SPNS3: variants seen among roughly 807,000 people sequenced by gnomAD.
SPNS3 encodes SPNS lysolipid transporter 3, sphingosine-1-phosphate (putative).
Under a neutral mutation model 54.4 loss-of-function variants are expected in SPNS3, and 51 were observed. That is an observed-to-expected ratio of 0.94 (90% CI 0.75 to 1.18). The LOEUF (loss-of-function observed/expected upper bound fraction) is 1.18, where lower values mean the gene tolerates loss of function less well. SPNS3 is among the 50% of genes most tolerant of loss of function. The probability of loss-of-function intolerance (pLI) is 0.00; values close to 1 mark genes in which losing one functional copy is unlikely to be tolerated. For missense variants in SPNS3, 669 were observed against 677.4 expected (o/e 0.99, Z 0.14); for synonymous variants, 309 against 294.7 (o/e 1.05, Z -0.50).
At chr17:4,468,721 T>TTTTCTTTCTTTCTTTTCTTTC in intron 8 of SPNS3, among the ~76,000 whole-genome samples, 1 of 121,450 alleles carries the variant, frequency 8.2e-6, no homozygotes, top group East Asian at 2.4e-4. Flanking sequence ...TCTCTCTTTC[T>TTTTCTTTCTTTCTTTTCTTTC]TTTCTTTCTT....
At chr17:4,473,989 T>C (rs1971923950) in intron 8 of SPNS3, among the ~76,000 whole-genome samples, 1 of 150,842 alleles carries the variant, frequency 6.6e-6, no homozygotes, top group Non-Finnish European at 1.5e-5. Flanking sequence ...TACCTGGCTT[T>C]CTGGGCTGGA....
At chr17:4,448,393 C>G in intron 6 of SPNS3, 90 bp downstream of exon 6, 5 of 1,274,728 alleles carry the variant, frequency 3.9e-6, no homozygotes, top group Non-Finnish European at 5.2e-6. Context: ...CTCCAGGGAG[C>G]CCTCCCTGGT....
intron 4 of SPNS3, 22 bp from the exon 5 acceptor site, chr17:4,446,874 C>G: frequency 6.2e-7 from 1 of 1,612,372 alleles, no homozygotes; most frequent in Non-Finnish European, 8.5e-7. Flanking sequence ...CACAGCCCAT[C>G]GCCCCTGCCC....
intron 9 of SPNS3, among the ~76,000 whole-genome samples, chr17:4,480,598 G>C (rs1972125016): frequency 6.7e-6 from 1 of 150,236 alleles, no homozygotes; most frequent in Non-Finnish European, 1.5e-5. Flanking sequence ...GTCTGCATTT[G>C]TAAGAATGAT....
chr17:4,462,764 T>C (rs796089170), intron 8 of SPNS3, among the ~76,000 whole-genome samples: 2 of 82,966 alleles, frequency 2.4e-5, no homozygotes, highest in South Asian at 4.5e-4. Context: ...AATCCATCCA[T>C]CCATCCATCC....
At chr17:4,463,687 C>T (rs1457204972) in intron 8 of SPNS3, among the ~76,000 whole-genome samples, 3 of 132,516 alleles carry the variant, frequency 2.3e-5, no homozygotes, top group South Asian at 2.3e-4. Context: ...TGCAGTGAGC[C>T]GAAATCGTGC....
At chr17:4,439,791 T>TGACCCA in intron 2 of SPNS3, 68 bp downstream of exon 2, 1 of 1,431,744 alleles carries the variant, frequency 7.0e-7, no homozygotes, top group Non-Finnish European at 9.6e-7. Flanking sequence ...TTTCTGTGGG[T>TGACCCA]CATGTTCTGT....
At chr17:4,472,806 T>TTTTTTTTGTTTTTTTTTTTTTG (rs1971893402) in intron 8 of SPNS3, among the ~76,000 whole-genome samples, 1 of 100,618 alleles carries the variant, frequency 9.9e-6, no homozygotes, top group African/African-American at 4.1e-5. Flanking sequence ...TTTTTTTTTT[T>TTTTTTTTGTTTTTTTTTTTTTG]TGAGGATTTT....
intron 8 of SPNS3, among the ~76,000 whole-genome samples, chr17:4,471,830 C>T (rs1291388863): frequency 2.0e-5 from 3 of 151,602 alleles, no homozygotes; most frequent in Non-Finnish European, 4.4e-5. Flanking sequence ...TCCTTCTGCT[C>T]CTTCTCTTAT....
chr17:4,456,339 G>A (rs561366892), intron 8 of SPNS3, among the ~76,000 whole-genome samples: 20 of 152,194 alleles, frequency 1.3e-4, no homozygotes, highest in South Asian at 4.1e-4. Flanking sequence ...CTGTTCTCTC[G>A]CCGAGTCCTG....
chr17:4,456,805 C>G (rs1971328206), intron 8 of SPNS3, among the ~76,000 whole-genome samples: 1 of 152,058 alleles, frequency 6.6e-6, no homozygotes, highest in Non-Finnish European at 1.5e-5. Context: ...ACCTCTGCCT[C>G]CCAGGTTCAA....
intron 8 of SPNS3, among the ~76,000 whole-genome samples, chr17:4,476,636 G>A (rs1471667030): frequency 1.3e-5 from 2 of 152,190 alleles, no homozygotes; most frequent in African/African-American, 4.8e-5. Flanking sequence ...AGGCTGGAAT[G>A]TGGATCCGCA....
chr17:4,440,148 A>G (rs1280041042), intron 2 of SPNS3, among the ~76,000 whole-genome samples: 1 of 152,154 alleles, frequency 6.6e-6, no homozygotes. Context: ...AGACAGGCAC[A>G]TCCCCCCACA....
intron 2 of SPNS3, 43 bp downstream of exon 2, chr17:4,439,766 T>C (rs1239556723): frequency 1.9e-6 from 3 of 1,564,120 alleles, no homozygotes; most frequent in African/African-American, 1.3e-5. Flanking sequence ...CCTGGGTTCA[T>C]GCTGGGGTGG....
chr17:4,470,283 A>G (rs929280496), intron 8 of SPNS3, among the ~76,000 whole-genome samples: 3 of 151,840 alleles, frequency 2.0e-5, no homozygotes, highest in Non-Finnish European at 4.4e-5. Flanking sequence ...ACAAAAATTA[A>G]CTAAGTGTGG....
rs545112697 is a variant in SPNS3, at chr17:4,455,070, C to T, written c.1113+1865C>T. ...CTGGGATTACATGTGTGAGCCACCA[C>T]GCCCAGCTAATTTTTGTATTTTTAA... On this transcript the variant is annotated intron_variant, in intron 8 of 11. Transcript: ENST00000355530. Among the ~76,000 whole-genome samples the T allele has an allele frequency of 7.8e-4, 119 of 152,158 alleles. 1 individual carries two copies. Among genetic ancestry groups the T allele is most frequent in the African/African-American group, 2.6e-3 (109 of 41,482 alleles).
intron 8 of SPNS3, among the ~76,000 whole-genome samples, chr17:4,458,839 C>T (rs924723148): frequency 1.3e-5 from 2 of 151,674 alleles, no homozygotes; most frequent in African/African-American, 4.8e-5. Context: ...CTTTCTGACA[C>T]CACCTCCCTT....
chr17:4,446,152 G>C lies in SPNS3; in HGVS notation c.507G>C (p.Gln169His). 1 of 1,613,494 alleles carries C rather than the reference G, an allele frequency of 6.2e-7. No individual in the cohort carries two copies. Among genetic ancestry groups the C allele is most frequent in the Non-Finnish European group, 8.5e-7 (1 of 1,179,518 alleles). ...TVLGDLFVRD[Q>H]RTRVLAVFYI... is the part of the protein sequence containing the mutation. ...TGGGCGACCTCTTCGTGAGGGACCA[G>C]CGCACCCGCGTGCTGGCTGTCTTCT... Residue 169 changes from glutamine to histidine, a missense_variant, in exon 4 of 12, where the codon CAG (glutamine) becomes CAC (histidine). By Grantham distance (24) the Gln-to-His change is conservative. Transcript: ENST00000355530.
At position 4,446,817 on chromosome 17, in the gene SPNS3, C is replaced by T. The variant is rs576561213; in HGVS notation, c.555-79C>T. 7 of 1,401,140 alleles carry T rather than the reference C, an allele frequency of 5.0e-6. No homozygotes were observed. In the East Asian group the frequency reaches 9.1e-5, roughly 18 times the overall value. The allele number at this position is 1,401,140 out of a possible 1,614,324, so 86.8% of individuals were successfully genotyped here. A position where few individuals can be genotyped will look rare whatever the true frequency, so the allele number is the denominator to read the frequency against. On this transcript the variant is annotated intron_variant, in intron 4 of 11. Transcript: ENST00000355530. ...AGCTCCCTGGGGCGTGGGGGGGGCACCCTGGGTCAGGCTGGTGGTGGGGTC... is the reference window on the plus strand; with the variant it reads ...AGCTCCCTGGGGCGTGGGGGGGGCATCCTGGGTCAGGCTGGTGGTGGGGTC...
Sources: gnomAD v4.1 joint callset for allele counts (sites outside exome capture counted in the v4.1 genomes callset) on GRCh38, gnomAD v4.1.1 for gene constraint, MANE v1.5 for transcripts, NCBI Gene and HGNC (gene_info 2026-07-23, HGNC 2026-07-21) for gene names.